The following LYST variants were observed in gnomAD, a reference collection of about 807,000 sequenced individuals.
The protein encoded by LYST is lysosomal trafficking regulator.
A neutral mutation model predicts 413.6 loss-of-function variants in LYST; 192 were observed. The observed-to-expected ratio is 0.46, with a 90% CI of 0.41 to 0.52. The LOEUF (loss-of-function observed/expected upper bound fraction) is 0.52, where lower values mean the gene tolerates loss of function less well. Among genes scored for constraint, LYST ranks in the 20% least tolerant of loss-of-function variants. LYST has a pLI of 0.00. For synonymous variants in LYST, 1,525 were observed against 1,567.3 expected (o/e 0.97, Z 0.64); for missense variants, 3,815 against 4,499.9 (o/e 0.85, Z 4.35).
chr1:235,793,004 C>A (rs755254973), intron 11 of LYST, among the ~76,000 whole-genome samples: 1 of 152,104 alleles, frequency 6.6e-6, no homozygotes, highest in African/African-American at 2.4e-5. Context: ...TACAAAGTAG[C>A]TCCAAAGTTT....
Position 235,677,099 on chromosome 1 carries a change from C to A in LYST, c.11030G>T (p.Cys3677Phe). ...SETSGDIATV[C>F]DSAGGGSDLR... ...GGTTGGAGCAAGCTCACCTGAATCA[C>A]ACACAGTAGCAATATCACCTGAGGT... The change falls in exon 50 of 53, where the codon TGT (cysteine) becomes TTT (phenylalanine). Residue 3677 changes from cysteine to phenylalanine, a missense_variant. Around this residue, in one of 4 missense-constraint regions of LYST, gnomAD observed 866 missense variants for 1,156.0 expected, o/e 0.75. Coordinates refer to ENST00000389793, the MANE Select transcript of LYST (RefSeq NM_000081.4). 1.2e-6 allele frequency: 2 copies of A among 1,613,518 alleles called. No homozygotes were observed. Among genetic ancestry groups the A allele is most frequent in the Non-Finnish European group, 1.7e-6 (2 of 1,179,494 alleles).
intron 28 of LYST, 50 bp from the exon 29 acceptor site, chr1:235,746,577 C>A: frequency 7.1e-7 from 1 of 1,407,844 alleles, no homozygotes; most frequent in East Asian, 2.4e-5. Flanking sequence ...TAATAAGGAT[C>A]AAGGAAACTA....
At chr1:235,766,300 CTTTAGA>C in intron 20 of LYST, 23 bp from the exon 21 acceptor site, 1 of 1,547,978 alleles carries the variant, frequency 6.5e-7, no homozygotes, top group Non-Finnish European at 8.8e-7. Flanking sequence ...AAAAAACTCT[CTTTAGA>C]TTTAAAGAAT....
intron 16 of LYST, among the ~76,000 whole-genome samples, chr1:235,779,015 T>C (rs534492955): frequency 6.6e-6 from 1 of 151,612 alleles, no homozygotes; most frequent in South Asian, 2.1e-4. Context: ...TACAGGCATC[T>C]GCCACCATGC....
intron 3 of LYST, among the ~76,000 whole-genome samples, chr1:235,814,327 A>C (rs998942688): frequency 1.2e-4 from 18 of 152,184 alleles, no homozygotes; most frequent in Non-Finnish European, 1.0e-4. Flanking sequence ...AATATGAAGT[A>C]AATAACAAGA....
chr1:235,721,051 G>C (rs532546831), intron 39 of LYST, 146 bp from the exon 40 acceptor site: 232 of 732,310 alleles, frequency 3.2e-4, no homozygotes, highest in Non-Finnish European at 4.9e-4. Context: ...TTAATGGGTA[G>C]AGAACTGAGA....
At chr1:235,751,453 T>A in intron 27 of LYST, 91 bp from the exon 28 acceptor site, 1 of 1,166,296 alleles carries the variant, frequency 8.6e-7, no homozygotes. Flanking sequence ...AATAATGTTT[T>A]GATATAAATT....
intron 21 of LYST, 109 bp from the exon 22 acceptor site, chr1:235,762,960 A>G: frequency 1.2e-6 from 1 of 829,060 alleles, no homozygotes; most frequent in South Asian, 1.5e-5. Flanking sequence ...AAGATGTTTA[A>G]AGAGAAAAAT....
rs113373611 is a variant in LYST, at chr1:235,702,671, T to TTACTGTGTCCCTGG, written c.10374+75_10374+76insCCAGGGACACAGTA. ...CTTTAGGCCAGGACCATGCTATTCATCACCTGGGAGAGTGCCTGGCATCAC... is the reference window on the plus strand; with the variant it reads ...CTTTAGGCCAGGACCATGCTATTCATTACTGTGTCCCTGGCACCTGGGAGAGTGCCTGGCATCAC... On this transcript the variant is annotated intron_variant, in intron 45 of 52. Coordinates refer to ENST00000389793, the MANE Select transcript of LYST (RefSeq NM_000081.4). 11,646 of 1,217,482 alleles carry TTACTGTGTCCCTGG rather than the reference T, an allele frequency of 9.6e-3. 801 individuals carry two copies. The African/African-American group carries it at 0.15, about 16-fold the overall frequency. The allele number at this position is 1,217,482 out of a possible 1,614,324, so 75.4% of individuals were successfully genotyped here.
intron 47 of LYST, among the ~76,000 whole-genome samples, chr1:235,692,710 C>A (rs1210751553): frequency 2.0e-5 from 3 of 151,690 alleles, no homozygotes; most frequent in African/African-American, 7.3e-5. Context: ...ATGCATTAAC[C>A]ATTATAAAGA....
In LYST at chr1:235,690,609, G is replaced by A. The variant is rs193255082; in HGVS notation, c.10701+2741C>T. On this transcript the variant is annotated intron_variant, in intron 47 of 52. Transcript: ENST00000389793. Reference sequence around the variant, plus strand: ...TTCCTGGTAAGCTATATAACAAATGGTGGCAATATTTTGGTCAGGGATATT... The same window carrying A: ...TTCCTGGTAAGCTATATAACAAATGATGGCAATATTTTGGTCAGGGATATT... Among the ~76,000 whole-genome samples the A allele has an allele frequency of 2.4e-4, 37 of 152,226 alleles. No homozygotes were observed. In the East Asian group the frequency reaches 6.8e-3, roughly 28 times the overall value.
intron 11 of LYST, 74 bp downstream of exon 11, chr1:235,793,429 A>G: frequency 1.3e-6 from 1 of 743,872 alleles, no homozygotes; most frequent in Non-Finnish European, 2.3e-6. Flanking sequence ...CTAAATAATT[A>G]AAAATACATT....
Position 235,664,668 on chromosome 1 carries a change from C to T in LYST, c.11039-47G>A, listed in dbSNP as rs1175254305. The T allele has an allele frequency of 6.2e-7, 1 of 1,604,850 alleles. No homozygotes were observed. The highest frequency in any genetic ancestry group is 8.5e-7 in the Non-Finnish European group (1 of 1,172,300). ...GCGGGTTACCAGAATGTGGCTGTCT[C>T]AGAGCCCACATTTGGCCCCAGAAGG... On this transcript the variant is annotated intron_variant, in intron 50 of 52. Transcript: ENST00000389793. The surrounding 1 kb of genome is among the most constrained non-coding windows in gnomAD (Gnocchi z 4.5).
intron 31 of LYST, chr1:235,738,622 G>C: frequency 6.2e-7 from 1 of 1,608,304 alleles, no homozygotes; most frequent in African/African-American, 1.3e-5. Flanking sequence ...AATGTTACTG[G>C]TGTCTCCCTC....
intron 18 of LYST, among the ~76,000 whole-genome samples, chr1:235,774,205 A>G (rs1668995049): frequency 6.6e-6 from 1 of 152,210 alleles, no homozygotes; most frequent in South Asian, 2.1e-4. Context: ...GTGAGTACTC[A>G]GGTTCAAACA....
At chr1:235,852,695 C>A (rs560665073) in intron 1 of LYST, among the ~76,000 whole-genome samples, 2 of 152,214 alleles carry the variant, frequency 1.3e-5, no homozygotes, top group East Asian at 3.9e-4. Flanking sequence ...AGGAAAACTG[C>A]CAGAGTTCGC....
At position 235,755,658 on chromosome 1, in the gene LYST, A is replaced by G. The variant is rs760418480; in HGVS notation, c.7060-11T>C. The G allele has an allele frequency of 1.7e-5, 24 of 1,444,132 alleles. No individual in the cohort carries two copies. The highest frequency in any genetic ancestry group is 2.8e-5 in the African/African-American group (2 of 71,692). 89.5% of individuals were successfully genotyped at this position (1,444,132 alleles called of 1,614,324 possible). A position where few individuals can be genotyped will look rare whatever the true frequency, so the allele number is the denominator to read the frequency against. On this transcript the variant is annotated splice_polypyrimidine_tract_variant and intron_variant, in intron 24 of 52. Transcript: ENST00000389793. The stretch of plus-strand genomic sequence containing the variant: ...ATATGCATCTAATAGCTAAACAAAA[A>G]ATTTAAGTCAATTTAGATAATGCAT...
At chr1:235,765,507 G>C (rs1202301117) in intron 21 of LYST, among the ~76,000 whole-genome samples, 1 of 152,192 alleles carries the variant, frequency 6.6e-6, no homozygotes, top group Non-Finnish European at 1.5e-5. Context: ...GGACCCATTT[G>C]ATATGACTTT....
intron 31 of LYST, among the ~76,000 whole-genome samples, chr1:235,739,444 A>G (rs1665136741): frequency 6.6e-6 from 1 of 152,212 alleles, no homozygotes; most frequent in Admixed American, 6.5e-5. Flanking sequence ...TATAAATCCA[A>G]TATTGCATGT....
Sources: gnomAD v4.1 joint callset for allele counts (sites outside exome capture counted in the v4.1 genomes callset) on GRCh38, gnomAD v4.1.1 for gene constraint, gnomAD v4.1.1 regional missense constraint, Gnocchi (gnomAD v3.1) non-coding constraint, MANE v1.5 for transcripts, NCBI Gene and HGNC (gene_info 2026-07-23, HGNC 2026-07-21) for gene names.